UVRAG: variants seen among roughly 807,000 people sequenced by gnomAD.
UVRAG encodes UV radiation resistance-associated gene protein.
UVRAG carries 19 observed loss-of-function variants against 78.0 expected under a neutral mutation model. The observed-to-expected ratio is 0.24, with a 90% CI of 0.17 to 0.36. The LOEUF (loss-of-function observed/expected upper bound fraction) is 0.36. Among genes scored for constraint, UVRAG ranks in the 10% least tolerant of loss-of-function variants. The probability of loss-of-function intolerance (pLI) is 1.00; values close to 1 mark genes in which losing one functional copy is unlikely to be tolerated. For synonymous variants in UVRAG, 323 were observed against 324.6 expected (o/e 1.00, Z 0.05); for missense variants, 740 against 853.8 (o/e 0.87, Z 1.66).
intron 7 of UVRAG, chr11:75,980,207 G>C (rs1200677378): frequency 6.4e-6 from 1 of 155,858 alleles, no homozygotes; most frequent in Non-Finnish European, 1.4e-5. Flanking sequence ...CTGTTGCCTA[G>C]ACTGAGTATA....
At chr11:76,137,385 G>A (rs1358853088) in intron 14 of UVRAG, 1 of 456,128 alleles carries the variant, frequency 2.2e-6, no homozygotes, top group Admixed American at 2.4e-5. Context: ...TCATCGCTCA[G>A]TAATGTTCAT....
intron 13 of UVRAG, among the ~76,000 whole-genome samples, chr11:76,114,145 G>A (rs1345441017): frequency 6.6e-6 from 1 of 151,732 alleles, no homozygotes; most frequent in Non-Finnish European, 1.5e-5. Flanking sequence ...ATGTGTAAAC[G>A]ATTTCACTTC....
At chr11:75,948,051 T>G (rs1565393773) in intron 6 of UVRAG, among the ~76,000 whole-genome samples, 2 of 152,168 alleles carry the variant, frequency 1.3e-5, no homozygotes, top group Non-Finnish European at 2.9e-5. Flanking sequence ...AGAGTTTAAA[T>G]GTTTATTTAA....
rs10526191 is a variant in UVRAG, at chr11:76,110,211, CATAT to C, written c.1306-5696_1306-5693del. Reference sequence around the variant, plus strand: ...GTGGAGAATATATATATATCTGGTACATATATATATATATATATATGTATTAGTA... The same window carrying C: ...GTGGAGAATATATATATATCTGGTACATATATATATATATATGTATTAGTA... On this transcript the variant is annotated intron_variant, in intron 13 of 14. Coordinates refer to ENST00000356136, the MANE Select transcript of UVRAG (RefSeq NM_003369.4). Among the ~76,000 whole-genome samples, 73 of 136,620 alleles carry C rather than the reference CATAT, an allele frequency of 5.3e-4. 1 individual carries two copies. The South Asian group carries it at 8.9e-3, about 17-fold the overall frequency. The allele number at this position is 136,620 out of a possible 152,430, so 89.6% of individuals were successfully genotyped here.
intron 6 of UVRAG, among the ~76,000 whole-genome samples, chr11:75,931,803 CTG>C (rs1948246593): frequency 6.6e-6 from 1 of 152,176 alleles, no homozygotes; most frequent in African/African-American, 2.4e-5. Context: ...CACTCTACCT[CTG>C]TGTTTTTGTT....
At chr11:76,053,652 A>T (rs1425727080) in intron 12 of UVRAG, among the ~76,000 whole-genome samples, 1 of 152,090 alleles carries the variant, frequency 6.6e-6, no homozygotes. Context: ...TCTTTAAAAA[A>T]CATAAACACC....
chr11:76,083,572 G>A (rs1034171819), intron 13 of UVRAG, among the ~76,000 whole-genome samples: 1 of 152,166 alleles, frequency 6.6e-6, no homozygotes. Flanking sequence ...AAGAGAAAGT[G>A]AGAGAAACAA....
intron 13 of UVRAG, among the ~76,000 whole-genome samples, chr11:76,083,530 C>T (rs922733183): frequency 6.6e-6 from 1 of 152,130 alleles, no homozygotes; most frequent in Non-Finnish European, 1.5e-5. Flanking sequence ...GGTCAAGCCC[C>T]TGCACTGAGT....
intron 6 of UVRAG, among the ~76,000 whole-genome samples, chr11:75,953,689 T>G (rs934092138): frequency 2.9e-5 from 4 of 135,944 alleles, no homozygotes; most frequent in Admixed American, 7.2e-5. Context: ...TTGACATAAT[T>G]TTTTTTATTC....
At chr11:75,836,875 T>G (rs1425563435) in intron 1 of UVRAG, among the ~76,000 whole-genome samples, 1 of 152,198 alleles carries the variant, frequency 6.6e-6, no homozygotes, top group Non-Finnish European at 1.5e-5. Context: ...CATTATTTCT[T>G]TCCTATTACC....
chr11:75,824,431 G>A (rs1314350698), intron 1 of UVRAG, among the ~76,000 whole-genome samples: 2 of 149,014 alleles, frequency 1.3e-5, no homozygotes, highest in East Asian at 3.9e-4. Flanking sequence ...TGTTTATTTA[G>A]TGTTTACTTT....
At chr11:75,936,993 TG>T (rs1446874669) in intron 6 of UVRAG, among the ~76,000 whole-genome samples, 10 of 152,210 alleles carry the variant, frequency 6.6e-5, no homozygotes, top group Non-Finnish European at 1.0e-4. Context: ...TGGTCTCAAG[TG>T]ATCTTCTGTT....
chr11:75,879,836 C>T, intron 3 of UVRAG, 43 bp from the exon 4 acceptor site: 1 of 1,592,126 alleles, frequency 6.3e-7, no homozygotes, highest in Non-Finnish European at 8.6e-7. Context: ...TAATCGTAAA[C>T]AAATAGAGTT....
intron 6 of UVRAG, among the ~76,000 whole-genome samples, chr11:75,951,338 T>C (rs903611863): frequency 6.0e-4 from 89 of 147,498 alleles, no homozygotes; most frequent in South Asian, 8.4e-4. Context: ...TGTGTGTGTG[T>C]GTGTGTGTGT....
intron 13 of UVRAG, among the ~76,000 whole-genome samples, chr11:76,115,130 C>T (rs7935047): frequency 0.13 from 19,471 of 152,172 alleles, 3,166 homozygotes; most frequent in African/African-American, 0.38. Flanking sequence ...AATGGTGATA[C>T]TCAGAGACAC....
At chr11:76,002,852 G>T (rs1332149635) in intron 8 of UVRAG, among the ~76,000 whole-genome samples, 1 of 152,124 alleles carries the variant, frequency 6.6e-6, no homozygotes, top group Admixed American at 6.6e-5. Flanking sequence ...ACGGCAGGCG[G>T]ATGGCTTGAG....
At chr11:75,914,769 C>T (rs1285047240) in intron 6 of UVRAG, among the ~76,000 whole-genome samples, 2 of 151,390 alleles carry the variant, frequency 1.3e-5, no homozygotes, top group Non-Finnish European at 2.9e-5. Flanking sequence ...GCTGGGATTA[C>T]AGGCGTGAGC....
chr11:75,969,681 A>G (rs1157469127), intron 7 of UVRAG, among the ~76,000 whole-genome samples: 2 of 152,184 alleles, frequency 1.3e-5, no homozygotes, highest in African/African-American at 2.4e-5. Context: ...CTCAGCTTGA[A>G]TGTCTTTAAC....
chr11:75,870,396 C>A (rs188543990), intron 3 of UVRAG, among the ~76,000 whole-genome samples: 153 of 152,336 alleles, frequency 1.0e-3, no homozygotes, highest in African/African-American at 3.5e-3. Flanking sequence ...TTTGCTACAA[C>A]AACCCCCAAG....
Sources: gnomAD v4.1 joint callset for allele counts (sites outside exome capture counted in the v4.1 genomes callset) on GRCh38, gnomAD v4.1.1 for gene constraint, MANE v1.5 for transcripts, NCBI Gene and HGNC (gene_info 2026-07-23, HGNC 2026-07-21) for gene names.